The following PLCB1 variants were observed in gnomAD, a reference collection of about 807,000 sequenced individuals.
The protein encoded by PLCB1 is phospholipase C beta 1, also known as 1-phosphatidylinositol 4,5-bisphosphate phosphodiesterase beta-1.
A neutral mutation model predicts 161.8 loss-of-function variants in PLCB1; 46 were observed. The observed-to-expected ratio is 0.28, with a 90% CI of 0.22 to 0.36. The LOEUF is 0.36. Ranked by LOEUF, PLCB1 falls within the 10% of genes least tolerant of loss-of-function variation. PLCB1 has a pLI of 1.00. For missense variants in PLCB1, 1,016 were observed against 1,472.5 expected, an observed-to-expected ratio of 0.69 and a Z score of 5.07; for synonymous variants, 517 against 503.7, an observed-to-expected ratio of 1.03 and a Z score of -0.35.
In PLCB1 at chr20:8,150,328, C is replaced by G. The variant is rs779179898; in HGVS notation, c.134C>G (p.Thr45Ser). Residue 45 changes from threonine (T) to serine (S), a missense_variant, in exon 2 of 32, where the codon ACT (threonine) becomes AGT (serine). Thr to Ser is a moderately conservative substitution (Grantham distance 58). Coordinates refer to ENST00000338037, the MANE Select transcript of PLCB1 (RefSeq NM_015192.4). The part of the protein sequence containing the change: ...STIVTPIILR[T>S]DPQGFFFYWT... The stretch of plus-strand genomic sequence containing the variant: ...ATTGTTACTCCAATTATTTTGAGGA[C>G]TGACCCTCAGGGATTTTTCTTTTAC... The G allele has an allele frequency of 6.4e-7, 1 of 1,563,320 alleles. No homozygotes were observed. Among genetic ancestry groups the G allele is most frequent in the Admixed American group, 1.8e-5 (1 of 56,770 alleles).
intron 3 of PLCB1, among the ~76,000 whole-genome samples, chr20:8,517,820 T>C (rs1211043822): frequency 6.6e-6 from 1 of 152,164 alleles, no homozygotes; most frequent in East Asian, 1.9e-4. Context: ...CAGGTATGTT[T>C]ATCCTACACC....
intron 3 of PLCB1, among the ~76,000 whole-genome samples, chr20:8,544,668 G>A (rs1229922048): frequency 6.6e-6 from 1 of 152,176 alleles, no homozygotes; most frequent in African/African-American, 2.4e-5. Context: ...AGTTGGAAAG[G>A]ACACCAATTA....
chr20:8,769,738 A>T (rs1030703548), intron 26 of PLCB1, among the ~76,000 whole-genome samples: 1 of 152,218 alleles, frequency 6.6e-6, no homozygotes, highest in African/African-American at 2.4e-5. Flanking sequence ...TTACCCTGAA[A>T]CTATGTAAGT....
At chr20:8,202,226 C>CA (rs1568588481) in intron 2 of PLCB1, among the ~76,000 whole-genome samples, 2 of 150 alleles carry the variant, frequency 0.013, no homozygotes, top group East Asian at 0.25. Context: ...TACAGGCATG[C>CA]GCACCATGCC....
intron 3 of PLCB1, among the ~76,000 whole-genome samples, chr20:8,614,001 GGTT>G (rs1346534794): frequency 1.3e-5 from 2 of 151,964 alleles, no homozygotes; most frequent in Admixed American, 6.6e-5. Context: ...CCCAAAAAAA[GGTT>G]GTTTATAAAT....
chr20:8,574,878 A>G (rs1986627989), intron 3 of PLCB1, among the ~76,000 whole-genome samples: 1 of 147,684 alleles, frequency 6.8e-6, no homozygotes, highest in African/African-American at 2.7e-5. Flanking sequence ...CAGAAAAGAT[A>G]TAAAGGCTGA....
At chr20:8,863,266 G>A (rs1261252959) in intron 31 of PLCB1, among the ~76,000 whole-genome samples, 2 of 152,100 alleles carry the variant, frequency 1.3e-5, no homozygotes, top group African/African-American at 4.8e-5. Context: ...AATTTCAGTG[G>A]CATTAAACCC....
chr20:8,263,921 A>G (rs145532865), intron 2 of PLCB1, among the ~76,000 whole-genome samples: 1 of 152,184 alleles, frequency 6.6e-6, no homozygotes, highest in Non-Finnish European at 1.5e-5. Context: ...TAAACACTGT[A>G]TACTTAGGCT....
chr20:8,703,793 A>G (rs535590180), intron 11 of PLCB1, among the ~76,000 whole-genome samples: 1 of 152,320 alleles, frequency 6.6e-6, no homozygotes, highest in East Asian at 1.9e-4. Context: ...GGAGCCAGGA[A>G]GATGGGGGGC....
chr20:8,224,219 A>C (rs1414644777), intron 2 of PLCB1, among the ~76,000 whole-genome samples: 1 of 152,186 alleles, frequency 6.6e-6, no homozygotes, highest in Non-Finnish European at 1.5e-5. Context: ...ATTCTGTGGC[A>C]TCGGGTAAGT....
At chr20:8,257,331 G>T (rs1216656814) in intron 2 of PLCB1, among the ~76,000 whole-genome samples, 2 of 151,862 alleles carry the variant, frequency 1.3e-5, no homozygotes, top group Non-Finnish European at 2.9e-5. Context: ...CAAAATTAGA[G>T]AAAATGAAAA....
intron 3 of PLCB1, among the ~76,000 whole-genome samples, chr20:8,615,439 A>C (rs1988017776): frequency 6.6e-6 from 1 of 152,160 alleles, no homozygotes; most frequent in Non-Finnish European, 1.5e-5. Context: ...TTTAGAAATC[A>C]ATGTTTTTGA....
chr20:8,644,862 A>G (rs1209017678), intron 4 of PLCB1, among the ~76,000 whole-genome samples: 1 of 152,162 alleles, frequency 6.6e-6, no homozygotes, highest in Non-Finnish European at 1.5e-5. Context: ...CCAGGATGAC[A>G]ATGGCGGTTT....
In PLCB1 at chr20:8,845,012, G is replaced by T. The variant is rs112212964; in HGVS notation, c.3424-36610G>T. 8.7e-3 allele frequency among the ~76,000 whole-genome samples: 1,325 copies of T among 152,226 alleles called. 23 individuals carry two copies. Among genetic ancestry groups the T allele is most frequent in the African/African-American group, 0.03 (1,235 of 41,546 alleles). ...GCCTGTAGTCCCAGCTACTCGGGAG[G>T]CTGAGGCAGGAGAATGGTGTGAACC... is the stretch of plus-strand genomic sequence containing the variant. On this transcript the variant is annotated intron_variant, in intron 31 of 31. Transcript: ENST00000338037.
At chr20:8,559,529 T>TA (rs1986074524) in intron 3 of PLCB1, among the ~76,000 whole-genome samples, 1 of 151,856 alleles carries the variant, frequency 6.6e-6, no homozygotes, top group Non-Finnish European at 1.5e-5. Flanking sequence ...ATTGTCAGAT[T>TA]AAAAAACAAC....
At chr20:8,706,870 G>C (rs748068972) in intron 11 of PLCB1, among the ~76,000 whole-genome samples, 3 of 152,144 alleles carry the variant, frequency 2.0e-5, no homozygotes, top group Non-Finnish European at 4.4e-5. Flanking sequence ...CTTCACAACA[G>C]ATCTGTGAAG....
intron 2 of PLCB1, among the ~76,000 whole-genome samples, chr20:8,276,520 C>T (rs535592981): frequency 3.9e-5 from 6 of 152,152 alleles, no homozygotes; most frequent in Non-Finnish European, 7.4e-5. Context: ...ATTGTTATGT[C>T]ATACAATGGA....
At chr20:8,487,989 G>T (rs1319664061) in intron 3 of PLCB1, among the ~76,000 whole-genome samples, 1 of 152,178 alleles carries the variant, frequency 6.6e-6, no homozygotes, top group Non-Finnish European at 1.5e-5. Flanking sequence ...ATCTATGCCA[G>T]CACTGTCCAG....
chr20:8,689,288 G>A (rs7265041), intron 10 of PLCB1, among the ~76,000 whole-genome samples: 15,582 of 152,112 alleles, frequency 0.1, 1,927 homozygotes, highest in African/African-American at 0.3. Flanking sequence ...ATCGTCAGCA[G>A]TCAGGGACAG....
Sources: gnomAD v4.1 joint callset for allele counts (sites outside exome capture counted in the v4.1 genomes callset) on GRCh38, gnomAD v4.1.1 for gene constraint, MANE v1.5 for transcripts, NCBI Gene and HGNC (gene_info 2026-07-23, HGNC 2026-07-21) for gene names.